DTX4: variants seen among roughly 807,000 people sequenced by gnomAD.
The protein encoded by DTX4 is deltex E3 ubiquitin ligase 4, also known as E3 ubiquitin-protein ligase DTX4.
In DTX4, 28 loss-of-function variants were observed where a neutral mutation model predicts 57.6. The ratio of observed to expected loss-of-function variants is 0.49; its 90% CI spans 0.36 to 0.67. DTX4 has a LOEUF of 0.67. Ranked by LOEUF, DTX4 falls within the 30% of genes least tolerant of loss-of-function variation. DTX4 has a pLI of 0.00. For missense variants in DTX4, 715 were observed against 836.8 expected (o/e 0.85, Z 1.80); for synonymous variants, 316 against 331.0 (o/e 0.95, Z 0.49).
chr11:59,192,301 G>A (rs1862610282), intron 6 of DTX4, 51 bp downstream of exon 6: 3 of 1,607,646 alleles, frequency 1.9e-6, no homozygotes, highest in African/African-American at 2.7e-5. Flanking sequence ...GGGCTCTGGA[G>A]TAGCAAGATG....
intron 6 of DTX4, among the ~76,000 whole-genome samples, chr11:59,193,998 G>A (rs532715849): frequency 2.2e-4 from 34 of 152,058 alleles, no homozygotes; most frequent in Non-Finnish European, 4.1e-4. Flanking sequence ...TCCTTTTTGC[G>A]AGCCTGGGAA....
rs1590984996 is a variant in DTX4 at position 59,189,417 on chromosome 11, T to A, written c.1159+94T>A. The stretch of plus-strand genomic sequence containing the variant: ...ACCTCCAAGGGTCATAGCCACGGCT[T>A]CACCCTCTGTGCCTCAATTTCTGCA... On this transcript the variant is annotated intron_variant, in intron 4 of 8. Coordinates refer to ENST00000227451, the MANE Select transcript of DTX4 (RefSeq NM_015177.2). The A allele has an allele frequency of 3.9e-6, 5 of 1,274,008 alleles. No individual in the cohort carries two copies. The East Asian group carries it at 1.3e-4, about 33-fold the overall frequency. 78.9% of individuals were successfully genotyped at this position (1,274,008 alleles called of 1,614,324 possible). A position where few individuals can be genotyped will look rare whatever the true frequency, so the allele number is the denominator to read the frequency against.
chr11:59,172,541 C>T lies in DTX4; in HGVS notation c.-55C>T. 1.6e-6 allele frequency: 2 copies of T among 1,221,558 alleles called. No individual in the cohort carries two copies. The highest frequency in any genetic ancestry group is 1.0e-6 in the Non-Finnish European group (1 of 960,042). The allele number at this position is 1,221,558 out of a possible 1,614,324, so 75.7% of individuals were successfully genotyped here. Reference sequence around the variant, plus strand: ...CGGCGCAGGAGGAAGCGGAGGAGGTCGGGCGCTCGGGGCCCGGGAGGCGGG... The same window carrying T: ...CGGCGCAGGAGGAAGCGGAGGAGGTTGGGCGCTCGGGGCCCGGGAGGCGGG... On this transcript the variant is annotated 5_prime_UTR_variant, in exon 1 of 9. Coordinates refer to ENST00000227451, the MANE Select transcript of DTX4 (RefSeq NM_015177.2).
rs976950514 is a variant in DTX4 at position 59,189,294 on chromosome 11, G to T, written c.1130G>T (p.Arg377Leu). The T allele has an allele frequency of 1.9e-6, 3 of 1,562,434 alleles. No individual in the cohort carries two copies. Among genetic ancestry groups the T allele is most frequent in the Admixed American group, 1.9e-5 (1 of 52,052 alleles). Residue 377 changes from arginine to leucine, a missense_variant, in exon 4 of 9, where the codon CGC becomes CTC. Physicochemically the swap from Arg to Leu is moderately radical, Grantham distance 102. Coordinates refer to ENST00000227451, the MANE Select transcript of DTX4 (RefSeq NM_015177.2). ...ATCCCAGGGGTTTCCAACACAAGCC[G>T]CAAGACCACCAAAAAACAAGCCAAG... is the stretch of plus-strand genomic sequence containing the variant. ...KSIPGVSNTS[R>L]KTTKKQAKKG...
In DTX4 at chr11:59,189,233, C is replaced by T; in HGVS notation, c.1069C>T (p.His357Tyr). ...CLTRPPKLVL[H>Y]PPPVSKSEIK... ...CACCAGGCCACCAAAGCTGGTCCTA[C>T]ACCCACCCCCCGTCAGCAAGAGTGA... Residue 357 changes from histidine to tyrosine, a missense_variant, in exon 4 of 9, where the codon CAC becomes TAC. By Grantham distance (83) the His-to-Tyr change is moderately conservative. Coordinates refer to ENST00000227451, the MANE Select transcript of DTX4 (RefSeq NM_015177.2). 1 of 1,613,136 alleles carries T rather than the reference C, an allele frequency of 6.2e-7. No individual in the cohort carries two copies. Among genetic ancestry groups the T allele is most frequent in the Non-Finnish European group, 8.5e-7 (1 of 1,179,590 alleles).
chr11:59,187,761 C>T (rs138436353), intron 2 of DTX4, among the ~76,000 whole-genome samples: 77 of 152,312 alleles, frequency 5.1e-4, no homozygotes, highest in South Asian at 4.8e-3. Context: ...TCCAAGTCAG[C>T]GCTGTGGGAG....
At chr11:59,189,039 T>C in intron 3 of DTX4, 123 bp from the exon 4 acceptor site, 1 of 1,228,082 alleles carries the variant, frequency 8.1e-7, no homozygotes, top group South Asian at 1.4e-5. Context: ...GGGTAGAGAA[T>C]CCAGGAATTA....
chr11:59,198,675 C>A (rs1251033626), intron 7 of DTX4, among the ~76,000 whole-genome samples: 2 of 152,120 alleles, frequency 1.3e-5, no homozygotes, highest in Admixed American at 6.5e-5. Context: ...TTCATTTATT[C>A]AGGCAGGATG....
At chr11:59,199,167 G>T (rs968158484) in intron 7 of DTX4, among the ~76,000 whole-genome samples, 2 of 152,174 alleles carry the variant, frequency 1.3e-5, no homozygotes, top group Non-Finnish European at 2.9e-5. Flanking sequence ...TAGCTTGGAG[G>T]CACTTTCTTT....
chr11:59,181,782 G>A lies in DTX4; in HGVS notation c.255G>A (p.Ser85=), dbSNP rs777942895. ...GCCGCAACTACTACGACCCCTCCTC[G>A]GCCCCTGGGAAGGGCGTGGTGTGGG... ...PVRRNYYDPS[S]APGKGVVWEW... is the part of the protein sequence containing the mutation. The change falls in exon 2 of 9, where the codon TCG becomes TCA. Residue 85 remains serine (S), a synonymous_variant. Transcript: ENST00000227451. 3.0e-5 allele frequency: 48 copies of A among 1,613,400 alleles called. No individual in the cohort carries two copies. Among genetic ancestry groups the A allele is most frequent in the East Asian group, 8.9e-5 (4 of 44,878 alleles).
intron 1 of DTX4, among the ~76,000 whole-genome samples, chr11:59,173,105 C>G (rs1862348968): frequency 6.6e-6 from 1 of 152,200 alleles, no homozygotes; most frequent in South Asian, 2.1e-4. Flanking sequence ...GTTGGTGGCC[C>G]TAAGTCTTTC....
rs568762767 is a variant in DTX4 at position 59,201,355 on chromosome 11, C to T, written c.1626+1582C>T. ...ATAGCAGCAGCTTCAGTCGGCTCCA[C>T]GTGTCTTCCTGTTCTGCAGGCCAGG... On this transcript the variant is annotated intron_variant, in intron 8 of 8. Coordinates refer to ENST00000227451, the MANE Select transcript of DTX4 (RefSeq NM_015177.2). Among the ~76,000 whole-genome samples the T allele has an allele frequency of 3.0e-3, 460 of 152,342 alleles. 1 individual carries two copies. The highest frequency in any genetic ancestry group is 0.01 in the African/African-American group (425 of 41,588).
rs1191003986 is a variant in DTX4 at position 59,172,545 on chromosome 11, C to A, written c.-51C>A. 6.5e-6 allele frequency: 8 copies of A among 1,240,156 alleles called. No individual in the cohort carries two copies. The highest frequency in any genetic ancestry group is 8.6e-5 in the Admixed American group (2 of 23,382). 76.8% of individuals were successfully genotyped at this position (1,240,156 alleles called of 1,614,324 possible). A position where few individuals can be genotyped will look rare whatever the true frequency, so the allele number is the denominator to read the frequency against. ...GCAGGAGGAAGCGGAGGAGGTCGGG[C>A]GCTCGGGGCCCGGGAGGCGGGCCGC... On this transcript the variant is annotated 5_prime_UTR_variant, in exon 1 of 9. Transcript: ENST00000227451.
intron 8 of DTX4, among the ~76,000 whole-genome samples, chr11:59,200,554 A>C (rs1371612629): frequency 1.3e-5 from 2 of 152,178 alleles, no homozygotes; most frequent in African/African-American, 4.8e-5. Context: ...AGCTGGAGAA[A>C]CACTGGTCTG....
chr11:59,174,501 G>GAAAAAAAAAAAAAAAAAA (rs71036507), intron 1 of DTX4, among the ~76,000 whole-genome samples: 4 of 118,036 alleles, frequency 3.4e-5, no homozygotes, highest in African/African-American at 3.9e-5. Flanking sequence ...TCCAGTCCTG[G>GAAAAAAAAAAAAAAAAAA]AAAAAAAAAA....
intron 4 of DTX4, among the ~76,000 whole-genome samples, chr11:59,190,548 C>T (rs1210171079): frequency 6.6e-6 from 1 of 152,218 alleles, no homozygotes; most frequent in East Asian, 1.9e-4. Context: ...TAAATCATTG[C>T]AGCCCATCAG....
At chr11:59,183,211 T>C (rs1466036340) in intron 2 of DTX4, among the ~76,000 whole-genome samples, 2 of 152,192 alleles carry the variant, frequency 1.3e-5, no homozygotes, top group Non-Finnish European at 2.9e-5. Context: ...ACCAAGTACC[T>C]ACCACAATGC....
In DTX4 at chr11:59,194,174, C is replaced by A. The variant is rs575591155; in HGVS notation, c.1375-1034C>A. ...TAAACAGACCCCACACCCTGACAAG[C>A]AGGAAGTCCTTTAATCTTGCTGTGC... On this transcript the variant is annotated intron_variant, in intron 6 of 8. Coordinates refer to ENST00000227451, the MANE Select transcript of DTX4 (RefSeq NM_015177.2). Among the ~76,000 whole-genome samples, 15 of 152,280 alleles carry A rather than the reference C, an allele frequency of 9.9e-5. No individual in the cohort carries two copies. In the South Asian group the frequency reaches 3.1e-3, roughly 32 times the overall value.
intron 8 of DTX4, among the ~76,000 whole-genome samples, chr11:59,202,449 A>G (rs990039216): frequency 6.6e-6 from 1 of 152,270 alleles, no homozygotes; most frequent in Non-Finnish European, 1.5e-5. Context: ...TATCATTTGT[A>G]AAATGCACAG....
Sources: allele counts gnomAD v4.1 joint callset (sites outside exome capture counted in the v4.1 genomes callset), GRCh38; gene constraint gnomAD v4.1.1; transcripts MANE v1.5; gene names NCBI Gene and HGNC (gene_info 2026-07-23, HGNC 2026-07-21).